The following ADAMTS9 variants were observed in gnomAD, a reference collection of about 807,000 sequenced individuals.
The protein encoded by ADAMTS9 is ADAM metallopeptidase with thrombospondin type 1 motif 9.
In ADAMTS9, 107 loss-of-function variants were observed where a neutral mutation model predicts 257.1. The observed-to-expected ratio is 0.42, with a 90% CI of 0.36 to 0.49. ADAMTS9 has a LOEUF of 0.49. Among genes scored for constraint, ADAMTS9 ranks in the 20% least tolerant of loss-of-function variants. The pLI, the probability that ADAMTS9 is intolerant of heterozygous loss-of-function variation, is 0.03. For synonymous variants in ADAMTS9, 982 were observed against 880.9 expected (o/e 1.11, Z -2.03); for missense variants, 2,353 against 2,469.1 (o/e 0.95, Z 1.00).
rs558576961 is a variant in ADAMTS9, at chr3:64,610,724, T to C, written c.3354+2621A>G. ...TGGAGAGAATGGAACCCTTGTATTA[T>C]ATGATAATAAAAATGCAAAATTATG... On this transcript the variant is annotated intron_variant, in intron 22 of 39. Coordinates refer to ENST00000498707, the MANE Select transcript of ADAMTS9 (RefSeq NM_182920.2). Among the ~76,000 whole-genome samples, 3 of 152,266 alleles carry C rather than the reference T, an allele frequency of 2.0e-5. No homozygotes were observed. The East Asian group carries it at 5.8e-4, about 29-fold the overall frequency.
chr3:64,530,496 C>G (rs1432342242), intron 38 of ADAMTS9, among the ~76,000 whole-genome samples: 2 of 145,798 alleles, frequency 1.4e-5, no homozygotes, highest in Non-Finnish European at 3.0e-5. Flanking sequence ...TGAGCTCACA[C>G]TCTCTGAACT....
chr3:64,523,247 C>G (rs937338763), intron 38 of ADAMTS9, among the ~76,000 whole-genome samples: 7 of 152,062 alleles, frequency 4.6e-5, no homozygotes, highest in Non-Finnish European at 8.8e-5. Context: ...ATTAAAAAAA[C>G]AAAGCAGATT....
At chr3:64,586,440 C>T (rs1417885023) in intron 28 of ADAMTS9, among the ~76,000 whole-genome samples, 1 of 152,120 alleles carries the variant, frequency 6.6e-6, no homozygotes, top group African/African-American at 2.4e-5. Flanking sequence ...TAGGGAGAAT[C>T]ATTTGAACTA....
In ADAMTS9 at chr3:64,631,456, T is replaced by A; in HGVS notation, c.2388A>T (p.Leu796Phe). The A allele has an allele frequency of 6.2e-7, 1 of 1,613,286 alleles. No homozygotes were observed. The highest frequency in any genetic ancestry group is 8.5e-7 in the Non-Finnish European group (1 of 1,179,244). The change falls in exon 16 of 40, where the codon TTA (leucine) becomes TTT (phenylalanine). Residue 796 changes from leucine to phenylalanine, a missense_variant and splice_region_variant. Around this residue, in one of 3 missense-constraint regions of ADAMTS9, gnomAD observed 360 missense variants for 458.1 expected, o/e 0.79. Coordinates refer to ENST00000498707, the MANE Select transcript of ADAMTS9 (RefSeq NM_182920.2). ...AAGTAGTGAGGCATCCCATCTCACC[T>A]AAGTAGTTGTCATCGTCTGTTTCCC... The part of the protein sequence containing the change: ...FSGETDDDNY[L>F]ALSSSKGEFL...
intron 16 of ADAMTS9, 26 bp downstream of exon 16, chr3:64,631,429 G>T (rs752728982): frequency 5.0e-6 from 8 of 1,584,622 alleles, no homozygotes; most frequent in Non-Finnish European, 6.9e-6. Flanking sequence ...ACCAGAACTC[G>T]CAAGTAGTGA....
chr3:64,532,773 A>T (rs1054974577), intron 38 of ADAMTS9, among the ~76,000 whole-genome samples: 1 of 152,136 alleles, frequency 6.6e-6, no homozygotes, highest in Non-Finnish European at 1.5e-5. Flanking sequence ...TCTGTATTTC[A>T]ATTTTTCTAA....
At position 64,687,435 on chromosome 3, in the gene ADAMTS9, T is replaced by C; in HGVS notation, c.115+108A>G. On this transcript the variant is annotated intron_variant, in intron 1 of 39. Coordinates refer to ENST00000498707, the MANE Select transcript of ADAMTS9 (RefSeq NM_182920.2). This position sits in a 1 kb window ranked among gnomAD's most constrained non-coding sequence, Gnocchi z 4.4. ...AGGCTGCAAAGCGGGAGATAATTCT[T>C]TCTAGGAAAAGGAGAGAAGCCTCCG... 1 of 915,992 alleles carries C rather than the reference T, an allele frequency of 1.1e-6. No individual in the cohort carries two copies. Among genetic ancestry groups the C allele is most frequent in the South Asian group, 1.9e-5 (1 of 53,086 alleles). 56.7% of individuals were successfully genotyped at this position (915,992 alleles called of 1,614,324 possible). A position where few individuals can be genotyped will look rare whatever the true frequency, so the allele number is the denominator to read the frequency against.
In ADAMTS9 at chr3:64,603,937, G is replaced by A. The variant is rs1252361810; in HGVS notation, c.3732C>T (p.Ala1244=). 1.2e-6 allele frequency: 2 copies of A among 1,613,882 alleles called. No homozygotes were observed. Among genetic ancestry groups the A allele is most frequent in the Non-Finnish European group, 8.5e-7 (1 of 1,179,938 alleles). ...CSVTPCGQWK[A]LDWSSCSVTC... is the part of the protein sequence containing the mutation. ...ACTGGCTTACAGAGCTCCAGTCCAA[G>A]GCCTTCCATTGCCCACAGGGTGTCA... Residue 1244 remains alanine, a synonymous_variant, in exon 25 of 40, where the codon GCC becomes GCT. Transcript: ENST00000498707.
chr3:64,594,251 G>T lies in ADAMTS9; in HGVS notation c.4356+7C>A, dbSNP rs373641677. ...TGGTTAACAAACATGAATAGTTAGG[G>T]CCGTACCGAGCTCCAAGGGCCAGTA... is the stretch of plus-strand genomic sequence containing the variant. On this transcript the variant is annotated splice_region_variant and intron_variant, in intron 28 of 39. Coordinates refer to ENST00000498707, the MANE Select transcript of ADAMTS9 (RefSeq NM_182920.2). 3 of 1,611,660 alleles carry T rather than the reference G, an allele frequency of 1.9e-6. No individual in the cohort carries two copies. In the African/African-American group the frequency reaches 4.0e-5, roughly 22 times the overall value.
chr3:64,541,619 A>G lies in ADAMTS9; in HGVS notation c.5199T>C (p.Cys1733=). Residue 1733 remains cysteine, a splice_region_variant and synonymous_variant, in exon 34 of 40, where the codon TGT becomes TGC. Transcript: ENST00000498707. The part of the protein sequence containing the change: ...ERKTCRNVYN[C]ELPQNCKEVK... ...CCTCCTTGCAATTCTGGGGTAACTC[A>G]CCTAGAAAACACCAATCACAAAAAA... The G allele has an allele frequency of 6.2e-7, 1 of 1,612,214 alleles. No homozygotes were observed. Among genetic ancestry groups the G allele is most frequent in the East Asian group, 2.2e-5 (1 of 44,874 alleles).
At position 64,550,950 on chromosome 3, in the gene ADAMTS9, C is replaced by T. The variant is rs374354849; in HGVS notation, c.4811G>A (p.Arg1604His). 9.8e-5 allele frequency: 158 copies of T among 1,614,182 alleles called. No homozygotes were observed. In the Middle Eastern group the frequency reaches 3.0e-3, roughly 30 times the overall value. Residue 1604 changes from arginine (R) to histidine (H), a missense_variant, in exon 31 of 40, where the codon CGT becomes CAT. Transcript: ENST00000498707. The part of the protein sequence containing the change: ...RCDVSKRPVD[R>H]ESCSLQPCEY... ...GCAGGGTTGCAAACTACAGCTTTCA[C>T]GGTCCACCGGCCGCTTGCTCACGTC...
chr3:64,560,551 G>A (rs2083402677), intron 30 of ADAMTS9, among the ~76,000 whole-genome samples: 2 of 152,104 alleles, frequency 1.3e-5, no homozygotes. Flanking sequence ...CTAGGTGCTA[G>A]GTATGTGACA....
Position 64,529,147 on chromosome 3 carries a change from AATGT to A in ADAMTS9, c.5718+4015_5718+4018del, listed in dbSNP as rs148330706. On this transcript the variant is annotated intron_variant, in intron 38 of 39. Transcript: ENST00000498707. The stretch of plus-strand genomic sequence containing the variant: ...ACAGCTGGGAGGAAGACACAGATTT[AATGT>A]ATGTAAGCTGCCCAATAAATAGTAG... 1.8e-3 allele frequency among the ~76,000 whole-genome samples: 280 copies of A among 152,330 alleles called. 10 individuals are homozygous for A. In the East Asian group the frequency reaches 0.052, roughly 28 times the overall value.
intron 3 of ADAMTS9, among the ~76,000 whole-genome samples, chr3:64,675,559 T>C (rs1036587351): frequency 6.6e-6 from 1 of 152,120 alleles, no homozygotes. Flanking sequence ...TTGAAGGCTA[T>C]AGTAAGCTAT....
At chr3:64,685,864 C>T (rs956457463) in intron 2 of ADAMTS9, among the ~76,000 whole-genome samples, 4 of 152,132 alleles carry the variant, frequency 2.6e-5, no homozygotes, top group African/African-American at 9.6e-5. Context: ...CCGGCCACCC[C>T]GCCAGTAGGG....
chr3:64,563,597 G>A (rs936692521), intron 29 of ADAMTS9, among the ~76,000 whole-genome samples: 1 of 152,092 alleles, frequency 6.6e-6, no homozygotes, highest in Non-Finnish European at 1.5e-5. Context: ...ATGGTTCAAC[G>A]AAGGCACGGT....
intron 28 of ADAMTS9, chr3:64,583,318 C>T (rs1458053129): frequency 6.6e-6 from 1 of 152,202 alleles, no homozygotes; most frequent in African/African-American, 2.4e-5. Flanking sequence ...ATTTTCAGCT[C>T]ATCCTTGAAA....
intron 28 of ADAMTS9, among the ~76,000 whole-genome samples, chr3:64,574,721 A>C (rs2083790142): frequency 3.7e-5 from 1 of 27,182 alleles, no homozygotes; most frequent in South Asian, 9.4e-4. Flanking sequence ...ACAGGGCAAG[A>C]CACACACACA....
chr3:64,618,437 A>C (rs1203872909), intron 19 of ADAMTS9, among the ~76,000 whole-genome samples: 2 of 152,208 alleles, frequency 1.3e-5, no homozygotes, highest in African/African-American at 4.8e-5. Flanking sequence ...CTACTATATG[A>C]AACACAAAGA....
Sources: allele counts gnomAD v4.1 joint callset (sites outside exome capture counted in the v4.1 genomes callset), GRCh38; gene constraint gnomAD v4.1.1; regional missense constraint gnomAD v4.1.1; non-coding constraint Gnocchi (gnomAD v3.1); transcripts MANE v1.5; gene names NCBI Gene and HGNC (gene_info 2026-07-23, HGNC 2026-07-21).